TMPRSS11A: variants seen among roughly 807,000 people sequenced by gnomAD.
TMPRSS11A encodes transmembrane protease serine 11A.
TMPRSS11A carries 53 observed loss-of-function variants against 58.9 expected under a neutral mutation model. That is an observed-to-expected ratio of 0.90 (90% CI 0.72 to 1.13). TMPRSS11A has a LOEUF of 1.13. TMPRSS11A is among the 50% of genes most tolerant of loss of function. The pLI, the probability that TMPRSS11A is intolerant of heterozygous loss-of-function variation, is 0.00. For synonymous variants in TMPRSS11A, 167 were observed against 169.8 expected (o/e 0.98, Z 0.13); for missense variants, 493 against 499.3 (o/e 0.99, Z 0.12).
intron 5 of TMPRSS11A, among the ~76,000 whole-genome samples, chr4:67,924,973 CTTTTT>C (rs11286541): frequency 1.4e-5 from 2 of 138,330 alleles, no homozygotes; most frequent in African/African-American, 2.6e-5. Context: ...TCACATAAAT[CTTTTT>C]TTTTTTTTTT....
In TMPRSS11A at chr4:67,929,929, T is replaced by C. The variant is rs544632985; in HGVS notation, c.432A>G (p.Ile144Met). Residue 144 changes from isoleucine to methionine, a missense_variant, in exon 5 of 10, where the codon ATA (isoleucine) becomes ATG (methionine). Physicochemically the swap from Ile to Met is conservative, Grantham distance 10. Coordinates refer to ENST00000508048, the MANE Select transcript of TMPRSS11A (RefSeq NM_001114387.2). ...TTATTGGCAAGGCTCTTAAATTCCT[T>C]ATCTTCTGATTTAAGATGCTTTGGA... ...KKIQSILNQK[I>M]RNLRALPINA... 2 of 1,613,834 alleles carry C rather than the reference T, an allele frequency of 1.2e-6. No individual in the cohort carries two copies. Among genetic ancestry groups the C allele is most frequent in the Non-Finnish European group, 1.7e-6 (2 of 1,179,768 alleles).
chr4:67,918,945 G>T (rs764346078), intron 8 of TMPRSS11A, 28 bp downstream of exon 8: 1 of 1,612,254 alleles, frequency 6.2e-7, no homozygotes, highest in African/African-American at 1.3e-5. Context: ...AGGGCTTAGC[G>T]CTCTGTTAGC....
At position 67,910,814 on chromosome 4, in the gene TMPRSS11A, C is replaced by CT. The variant is rs1478331655; in HGVS notation, c.*527dup. The CT allele has an allele frequency of 6.6e-6, 1 of 151,922 alleles. No individual in the cohort carries two copies. Among genetic ancestry groups the CT allele is most frequent in the Admixed American group, 6.6e-5 (1 of 15,238 alleles). The allele number at this position is 151,922 out of a possible 1,614,324, so 9.4% of individuals were successfully genotyped here. The stretch of plus-strand genomic sequence containing the variant: ...ATCAGACTTTGTTTCCTACATATGA[C>CT]TTTCTTTTATTGGTGTCTCTCAAAT... On this transcript the variant is annotated 3_prime_UTR_variant, in exon 10 of 10. Coordinates refer to ENST00000508048, the MANE Select transcript of TMPRSS11A (RefSeq NM_001114387.2).
intron 5 of TMPRSS11A, among the ~76,000 whole-genome samples, chr4:67,924,766 G>C (rs1203432697): frequency 6.6e-6 from 1 of 152,054 alleles, no homozygotes; most frequent in African/African-American, 2.4e-5. Context: ...ACAGTATGGG[G>C]GAAACTGCAC....
At chr4:67,921,347 T>C (rs916092720) in intron 7 of TMPRSS11A, among the ~76,000 whole-genome samples, 1 of 152,184 alleles carries the variant, frequency 6.6e-6, no homozygotes, top group Non-Finnish European at 1.5e-5. Flanking sequence ...TATTACTATT[T>C]TTTTAAGATG....
intron 9 of TMPRSS11A, among the ~76,000 whole-genome samples, chr4:67,914,123 T>C (rs1337348519): frequency 6.6e-6 from 1 of 152,240 alleles, no homozygotes; most frequent in East Asian, 1.9e-4. Context: ...TTGGCTATGC[T>C]TTTTGTCTTT....
chr4:67,936,901 C>T (rs1022505060), intron 3 of TMPRSS11A, among the ~76,000 whole-genome samples: 1 of 152,126 alleles, frequency 6.6e-6, no homozygotes, highest in Non-Finnish European at 1.5e-5. Flanking sequence ...GAAAATATCT[C>T]ATTTGGATCT....
chr4:67,940,997 G>A lies in TMPRSS11A; in HGVS notation c.252+3522C>T, dbSNP rs114262659. ...TTCTCCACCTGCAGGATGGCCAGCC[G>A]GCAGTAATCAGACATCAGTAATGTC... is the stretch of plus-strand genomic sequence containing the variant. On this transcript the variant is annotated intron_variant, in intron 3 of 9. Transcript: ENST00000508048. 9.1e-3 allele frequency among the ~76,000 whole-genome samples: 1,381 copies of A among 152,200 alleles called. 20 individuals carry two copies. The highest frequency in any genetic ancestry group is 0.031 in the African/African-American group (1,288 of 41,504).
intron 8 of TMPRSS11A, among the ~76,000 whole-genome samples, chr4:67,915,190 T>A (rs746998297): frequency 2.0e-5 from 3 of 151,964 alleles, no homozygotes; most frequent in Admixed American, 1.3e-4. Flanking sequence ...ATATGTGAAA[T>A]ATACATATAT....
chr4:67,915,858 T>G (rs1720129912), intron 8 of TMPRSS11A, among the ~76,000 whole-genome samples: 1 of 152,228 alleles, frequency 6.6e-6, no homozygotes, highest in Non-Finnish European at 1.5e-5. Context: ...GTCTGACTCA[T>G]GAAAACAGTG....
At chr4:67,954,502 G>A (rs1240392416) in intron 1 of TMPRSS11A, among the ~76,000 whole-genome samples, 1 of 152,192 alleles carries the variant, frequency 6.6e-6, no homozygotes, top group Non-Finnish European at 1.5e-5. Context: ...CTCAGTTAAA[G>A]GTCCCTCTCT....
chr4:67,925,954 C>A (rs1283945399), intron 5 of TMPRSS11A, among the ~76,000 whole-genome samples: 3 of 152,126 alleles, frequency 2.0e-5, no homozygotes. Context: ...TAATTTTGAC[C>A]AAAGATTTTT....
At chr4:67,927,024 C>T (rs922950971) in intron 5 of TMPRSS11A, among the ~76,000 whole-genome samples, 2 of 152,158 alleles carry the variant, frequency 1.3e-5, no homozygotes, top group African/African-American at 4.8e-5. Context: ...TTGGGACACC[C>T]TGGCTATGAA....
intron 9 of TMPRSS11A, 64 bp from the exon 10 acceptor site, chr4:67,911,567 A>C: frequency 7.3e-7 from 1 of 1,369,348 alleles, no homozygotes; most frequent in Non-Finnish European, 1.0e-6. Context: ...ATTATTTAAG[A>C]TATTTTGATG....
At chr4:67,915,189 A>C (rs1267215728) in intron 8 of TMPRSS11A, among the ~76,000 whole-genome samples, 1 of 152,000 alleles carries the variant, frequency 6.6e-6, no homozygotes, top group African/African-American at 2.4e-5. Context: ...TATATGTGAA[A>C]TATACATATA....
At position 67,919,066 on chromosome 4, in the gene TMPRSS11A, C is replaced by T. The variant is rs1463990025; in HGVS notation, c.859G>A (p.Asp287Asn). The T allele has an allele frequency of 2.5e-6, 4 of 1,614,068 alleles. No individual in the cohort carries two copies. Among genetic ancestry groups the T allele is most frequent in the Non-Finnish European group, 3.4e-6 (4 of 1,180,038 alleles). The change falls in exon 8 of 10, where the codon GAC becomes AAC. Residue 287 changes from aspartate to asparagine, a missense_variant. Transcript: ENST00000508048. ...QVSSRVTFSD[D>N]IRQICLPEAS... ...TCTGGCAAACAAATCTGGCGTATGT[C>T]ATCCGAAAAGGTGACTCTGGAAGAG...
At chr4:67,957,176 A>T (rs1289352378) in intron 1 of TMPRSS11A, among the ~76,000 whole-genome samples, 1 of 152,194 alleles carries the variant, frequency 6.6e-6, no homozygotes, top group Non-Finnish European at 1.5e-5. Flanking sequence ...GTGAAAACGG[A>T]CTAATACAGT....
chr4:67,931,008 A>C, intron 4 of TMPRSS11A, among the ~76,000 whole-genome samples: 1 of 152,002 alleles, frequency 6.6e-6, no homozygotes, highest in East Asian at 1.9e-4. Context: ...TACTTCTTAA[A>C]TCTGAGGAAT....
intron 1 of TMPRSS11A, among the ~76,000 whole-genome samples, chr4:67,960,777 A>G (rs1487061988): frequency 6.6e-6 from 1 of 152,232 alleles, no homozygotes; most frequent in African/African-American, 2.4e-5. Flanking sequence ...GTAAAACATG[A>G]AAGCATACAA....
Sources: gnomAD v4.1 joint callset for allele counts (sites outside exome capture counted in the v4.1 genomes callset) on GRCh38, gnomAD v4.1.1 for gene constraint, MANE v1.5 for transcripts, NCBI Gene and HGNC (gene_info 2026-07-23, HGNC 2026-07-21) for gene names.